Variants in CLMN observed in about 807,000 individuals in gnomAD.
CLMN encodes the protein calmin (calponin-like, transmembrane).
Under a neutral mutation model 92.7 loss-of-function variants are expected in CLMN, and 57 were observed. That is an observed-to-expected ratio of 0.61 (90% CI 0.50 to 0.77). The LOEUF (loss-of-function observed/expected upper bound fraction) is 0.77, where lower values mean the gene tolerates loss of function less well. CLMN is among the 30% of genes least tolerant of loss of function. The pLI, the probability that CLMN is intolerant of heterozygous loss-of-function variation, is 0.00. For missense variants in CLMN, 1,158 were observed against 1,237.5 expected (o/e 0.94, Z 0.96); for synonymous variants, 466 against 470.6 (o/e 0.99, Z 0.13).
At chr14:95,258,679 ATGTGTGG>A (rs1334254522) in intron 1 of CLMN, among the ~76,000 whole-genome samples, 1 of 111,238 alleles carries the variant, frequency 9.0e-6, no homozygotes, top group Non-Finnish European at 1.8e-5. Context: ...ATATGTGTAT[ATGTGTGG>A]TGTGTGGTTG....
chr14:95,240,339 T>C (rs1239421350), intron 1 of CLMN, among the ~76,000 whole-genome samples: 1 of 152,182 alleles, frequency 6.6e-6, no homozygotes, highest in African/African-American at 2.4e-5. Context: ...ATGCAGGGAA[T>C]GGTGTGGCAT....
intron 1 of CLMN, among the ~76,000 whole-genome samples, chr14:95,304,531 C>T (rs1452770993): frequency 1.3e-5 from 2 of 151,828 alleles, no homozygotes; most frequent in Non-Finnish European, 2.9e-5. Context: ...CCGTGCATCC[C>T]CTCCCCCACA....
intron 2 of CLMN, among the ~76,000 whole-genome samples, chr14:95,224,630 A>T (rs1897655208): frequency 6.6e-6 from 1 of 152,176 alleles, no homozygotes; most frequent in African/African-American, 2.4e-5. Flanking sequence ...AGGATGAGTG[A>T]TAGTCGCAGC....
intron 1 of CLMN, among the ~76,000 whole-genome samples, chr14:95,271,802 T>A (rs563040295): frequency 6.6e-6 from 1 of 152,334 alleles, no homozygotes; most frequent in South Asian, 2.1e-4. Flanking sequence ...TCTCTTTGCC[T>A]CTTTCCAGTC....
At chr14:95,250,277 T>G (rs991456615) in intron 1 of CLMN, among the ~76,000 whole-genome samples, 1 of 152,252 alleles carries the variant, frequency 6.6e-6, no homozygotes, top group African/African-American at 2.4e-5. Flanking sequence ...CTTGTGTTAT[T>G]ACAAACCCAT....
intron 1 of CLMN, among the ~76,000 whole-genome samples, chr14:95,299,174 C>T (rs1595110557): frequency 6.6e-6 from 1 of 152,298 alleles, no homozygotes; most frequent in Non-Finnish European, 1.5e-5. Flanking sequence ...AAAAGGGACT[C>T]GGGCTGCCCA....
intron 1 of CLMN, among the ~76,000 whole-genome samples, chr14:95,284,988 C>T (rs1364421254): frequency 2.6e-5 from 4 of 152,006 alleles, no homozygotes; most frequent in Non-Finnish European, 4.4e-5. Flanking sequence ...ATTGTATCTC[C>T]GAGAATTTCC....
chr14:95,196,407 C>T (rs1781638271), intron 10 of CLMN, 91 bp downstream of exon 10: 1 of 1,277,510 alleles, frequency 7.8e-7, no homozygotes, highest in Non-Finnish European at 1.1e-6. Flanking sequence ...AATCCCATGC[C>T]TGCACCTCCC....
intron 8 of CLMN, 121 bp from the exon 9 acceptor site, chr14:95,204,584 A>G (rs1465100829): frequency 2.0e-5 from 18 of 920,840 alleles, no homozygotes; most frequent in Non-Finnish European, 4.7e-6. Flanking sequence ...CTTTCCCAAA[A>G]CACAAACAAA....
At chr14:95,208,158 C>G (rs1897096749) in intron 8 of CLMN, among the ~76,000 whole-genome samples, 1 of 152,068 alleles carries the variant, frequency 6.6e-6, no homozygotes, top group Non-Finnish European at 1.5e-5. Flanking sequence ...CTGTCTGGTA[C>G]TTATAACTAC....
At chr14:95,289,466 A>AAAAT (rs749536553) in intron 1 of CLMN, among the ~76,000 whole-genome samples, 1,953 of 139,550 alleles carry the variant, frequency 0.014, 21 homozygotes, top group South Asian at 0.024. Flanking sequence ...TCTGTCTCAA[A>AAAAT]AAATAAATAA....
At chr14:95,282,371 T>G (rs1286970229) in intron 1 of CLMN, among the ~76,000 whole-genome samples, 1 of 152,138 alleles carries the variant, frequency 6.6e-6, no homozygotes, top group African/African-American at 2.4e-5. Flanking sequence ...AGAAGCCAGT[T>G]AGGAAGCTTT....
chr14:95,262,721 C>T (rs1241498411), intron 1 of CLMN, among the ~76,000 whole-genome samples: 1 of 152,130 alleles, frequency 6.6e-6, no homozygotes, highest in Non-Finnish European at 1.5e-5. Context: ...TATGTGCCAC[C>T]ATGCCCGGCT....
At chr14:95,249,161 T>A (rs1187736706) in intron 1 of CLMN, among the ~76,000 whole-genome samples, 2 of 152,256 alleles carry the variant, frequency 1.3e-5, no homozygotes, top group African/African-American at 2.4e-5. Flanking sequence ...TTTGACCACA[T>A]TGTGTGTGCA....
At chr14:95,193,167 A>T (rs1300364755) in intron 12 of CLMN, 5 of 572,634 alleles carry the variant, frequency 8.7e-6, no homozygotes, top group Non-Finnish European at 1.5e-5. Flanking sequence ...AAAACATAAT[A>T]AAGCAACTCT....
intron 9 of CLMN, among the ~76,000 whole-genome samples, chr14:95,202,085 G>A (rs967966510): frequency 8.6e-5 from 13 of 152,038 alleles, no homozygotes; most frequent in Admixed American, 2.0e-4. Context: ...ATATTCCTTT[G>A]GGCATATACC....
chr14:95,207,289 T>C (rs1008400301), intron 8 of CLMN, among the ~76,000 whole-genome samples: 1 of 152,214 alleles, frequency 6.6e-6, no homozygotes, highest in African/African-American at 2.4e-5. Context: ...TCTTTCTTTC[T>C]TTTTTGTAGA....
intron 7 of CLMN, 104 bp from the exon 8 acceptor site, chr14:95,209,581 T>A: frequency 2.2e-6 from 2 of 920,706 alleles, no homozygotes; most frequent in South Asian, 2.8e-5. Context: ...TATTGAAGGT[T>A]TTTTCTCTTT....
At chr14:95,202,723 T>C in intron 9 of CLMN, 115 bp downstream of exon 9, 1 of 1,185,906 alleles carries the variant, frequency 8.4e-7, no homozygotes, top group Non-Finnish European at 1.2e-6. Flanking sequence ...ACCATAGTAG[T>C]CCCAAGGGAA....
Sources: allele counts gnomAD v4.1 joint callset (sites outside exome capture counted in the v4.1 genomes callset), GRCh38; gene constraint gnomAD v4.1.1; transcripts MANE v1.5; gene names NCBI Gene and HGNC (gene_info 2026-07-23, HGNC 2026-07-21).